The following SEMA3C variants were observed in gnomAD, a reference collection of about 807,000 sequenced individuals.
SEMA3C encodes semaphorin 3C.
In SEMA3C, 47 loss-of-function variants were observed where a neutral mutation model predicts 89.4. The observed-to-expected ratio is 0.53, with a 90% confidence interval of 0.42 to 0.67. The LOEUF (loss-of-function observed/expected upper bound fraction) is 0.67, where lower values mean the gene tolerates loss of function less well. Ranked by LOEUF, SEMA3C falls within the 30% of genes least tolerant of loss-of-function variation. SEMA3C has a pLI of 0.00. For synonymous variants in SEMA3C, 310 were observed against 320.2 expected, an observed-to-expected ratio of 0.97 and a Z score of 0.34; for missense variants, 839 against 929.1, an observed-to-expected ratio of 0.90 and a Z score of 1.26.
Position 80,744,696 on chromosome 7 carries a change from A to T in SEMA3C, c.*198T>A, listed in dbSNP as rs1293746443. Reference sequence around the variant, plus strand: ...GTTAAATATATTTATATGCACCATGAGGACCATGACATGTCTAGTGCTAGT... The same window carrying T: ...GTTAAATATATTTATATGCACCATGTGGACCATGACATGTCTAGTGCTAGT... On this transcript the variant is annotated 3_prime_UTR_variant, in exon 18 of 18. Transcript: ENST00000265361. 3.3e-6 allele frequency: 2 copies of T among 609,334 alleles called. No homozygotes were observed. Among genetic ancestry groups the T allele is most frequent in the African/African-American group, 3.7e-5 (2 of 53,878 alleles). 37.7% of individuals were successfully genotyped at this position (609,334 alleles called of 1,614,324 possible). A position where few individuals can be genotyped will look rare whatever the true frequency, so the allele number is the denominator to read the frequency against.
chr7:80,852,176 T>C (rs560122081), intron 2 of SEMA3C, among the ~76,000 whole-genome samples: 3 of 152,268 alleles, frequency 2.0e-5, no homozygotes, highest in Non-Finnish European at 2.9e-5. Flanking sequence ...CCCTTTATTA[T>C]ATCCCCTCAG....
intron 2 of SEMA3C, among the ~76,000 whole-genome samples, chr7:80,853,938 CATGA>C (rs1253359034): frequency 6.6e-6 from 1 of 150,466 alleles, no homozygotes; most frequent in African/African-American, 2.5e-5. Flanking sequence ...GCTATGTACC[CATGA>C]ATATTAAAAA....
chr7:80,834,700 T>C (rs1790085926), intron 2 of SEMA3C, among the ~76,000 whole-genome samples: 4 of 152,168 alleles, frequency 2.6e-5, no homozygotes, highest in Admixed American at 6.5e-5. Flanking sequence ...TATTTTATAG[T>C]TGTCCCTTGG....
chr7:80,849,540 C>A (rs1299368636), intron 2 of SEMA3C, among the ~76,000 whole-genome samples: 1 of 152,004 alleles, frequency 6.6e-6, no homozygotes, highest in Non-Finnish European at 1.5e-5. Context: ...TAATGATGCA[C>A]CTTTTCATAA....
intron 2 of SEMA3C, among the ~76,000 whole-genome samples, chr7:80,832,574 C>T (rs953825279): frequency 4.6e-5 from 7 of 151,934 alleles, no homozygotes; most frequent in Non-Finnish European, 7.4e-5. Context: ...GCCTTCTGCA[C>T]GGCTACTGAA....
intron 12 of SEMA3C, among the ~76,000 whole-genome samples, chr7:80,774,095 A>T (rs1272637835): frequency 6.6e-6 from 1 of 152,202 alleles, no homozygotes; most frequent in Non-Finnish European, 1.5e-5. Context: ...TGTGGAAGGG[A>T]GAGATTTTGG....
intron 5 of SEMA3C, among the ~76,000 whole-genome samples, chr7:80,812,136 T>C (rs1789484144): frequency 6.6e-6 from 1 of 152,220 alleles, no homozygotes; most frequent in Non-Finnish European, 1.5e-5. Context: ...TTCTAAAGTT[T>C]TGACTCCTTG....
At chr7:80,876,735 CT>C (rs1791212713) in intron 2 of SEMA3C, among the ~76,000 whole-genome samples, 1 of 152,112 alleles carries the variant, frequency 6.6e-6, no homozygotes, top group South Asian at 2.1e-4. Flanking sequence ...AAATAAAGCC[CT>C]TTGATAATAT....
At chr7:80,881,220 T>C (rs968725616) in intron 2 of SEMA3C, among the ~76,000 whole-genome samples, 1 of 148,230 alleles carries the variant, frequency 6.7e-6, no homozygotes, top group African/African-American at 2.5e-5. Flanking sequence ...CTCTCTCTCA[T>C]GTAAAGTTTT....
intron 12 of SEMA3C, among the ~76,000 whole-genome samples, chr7:80,788,998 G>C (rs1182587820): frequency 5.9e-5 from 9 of 152,102 alleles, no homozygotes; most frequent in Admixed American, 2.0e-4. Context: ...AAGTGCAGCA[G>C]AGAAATCATA....
chr7:80,878,936 T>C (rs1229246663), intron 2 of SEMA3C, among the ~76,000 whole-genome samples: 1 of 152,064 alleles, frequency 6.6e-6, no homozygotes, highest in Non-Finnish European at 1.5e-5. Flanking sequence ...TAATTAAAGC[T>C]AAAGAAAAGA....
intron 2 of SEMA3C, among the ~76,000 whole-genome samples, chr7:80,849,385 T>C (rs1790459477): frequency 6.6e-6 from 1 of 151,140 alleles, no homozygotes; most frequent in African/African-American, 2.4e-5. Context: ...GACAAAATAC[T>C]TTTCCTTAAT....
rs545335683 is a variant in SEMA3C, at chr7:80,862,077, T to C, written c.104-33332A>G. Among the ~76,000 whole-genome samples, 5 of 152,220 alleles carry C rather than the reference T, an allele frequency of 3.3e-5. No individual in the cohort carries two copies. In the East Asian group the frequency reaches 9.7e-4, roughly 29 times the overall value. ...TTACCACTCCTCTTCAACATAGTAC[T>C]GGAAGTCCTAGCCAGAGCAATCAGA... On this transcript the variant is annotated intron_variant, in intron 2 of 17. Transcript: ENST00000265361.
intron 2 of SEMA3C, among the ~76,000 whole-genome samples, chr7:80,829,486 C>T (rs955336187): frequency 3.3e-5 from 5 of 152,132 alleles, no homozygotes; most frequent in African/African-American, 7.2e-5. Context: ...TTTCCTACTA[C>T]AAATATTTGC....
Position 80,879,507 on chromosome 7 carries a change from G to A in SEMA3C, c.103+37172C>T, listed in dbSNP as rs966379462. Among the ~76,000 whole-genome samples, 3 of 152,078 alleles carry A rather than the reference G, an allele frequency of 2.0e-5. No homozygotes were observed. In the East Asian group the frequency reaches 5.8e-4, roughly 29 times the overall value. ...TGCTGCACAAGAATTGGGAGGGGAAGGAACACAGATTCTAACATACAACAT... is the reference window on the plus strand; with the variant it reads ...TGCTGCACAAGAATTGGGAGGGGAAAGAACACAGATTCTAACATACAACAT... On this transcript the variant is annotated intron_variant, in intron 2 of 17. Transcript: ENST00000265361.
chr7:80,883,577 C>G (rs1009967146), intron 2 of SEMA3C, among the ~76,000 whole-genome samples: 2 of 152,216 alleles, frequency 1.3e-5, no homozygotes, highest in African/African-American at 4.8e-5. Flanking sequence ...TTTGCATACT[C>G]AGACATAAGG....
At chr7:80,847,895 G>A (rs1398466364) in intron 2 of SEMA3C, among the ~76,000 whole-genome samples, 4 of 152,150 alleles carry the variant, frequency 2.6e-5, no homozygotes, top group Non-Finnish European at 4.4e-5. Context: ...AAATGAAGGG[G>A]TTGAACTAAA....
At chr7:80,831,174 A>G (rs1381303432) in intron 2 of SEMA3C, among the ~76,000 whole-genome samples, 1 of 152,222 alleles carries the variant, frequency 6.6e-6, no homozygotes, top group African/African-American at 2.4e-5. Context: ...AGACTAGCGC[A>G]GTAAAATATA....
chr7:80,895,522 T>C (rs1313312951), intron 2 of SEMA3C, among the ~76,000 whole-genome samples: 2 of 152,180 alleles, frequency 1.3e-5, no homozygotes, highest in Non-Finnish European at 2.9e-5. Context: ...AAAATGACTT[T>C]CATAAAGGTG....
Sources: allele counts gnomAD v4.1 joint callset (sites outside exome capture counted in the v4.1 genomes callset), GRCh38; gene constraint gnomAD v4.1.1; transcripts MANE v1.5; gene names NCBI Gene and HGNC (gene_info 2026-07-23, HGNC 2026-07-21).